FBLN2: variants seen among roughly 807,000 people sequenced by gnomAD.
The protein encoded by FBLN2 is fibulin 2.
In FBLN2, 81 loss-of-function variants were observed where a neutral mutation model predicts 123.7. The observed-to-expected ratio is 0.65, with a 90% confidence interval of 0.55 to 0.79. The LOEUF (loss-of-function observed/expected upper bound fraction) is 0.79. Ranked by LOEUF, FBLN2 falls within the 30% of genes least tolerant of loss-of-function variation. The pLI, the probability that FBLN2 is intolerant of heterozygous loss-of-function variation, is 0.00. For missense variants in FBLN2, 1,603 were observed against 1,681.3 expected, an observed-to-expected ratio of 0.95 and a Z score of 0.81; for synonymous variants, 699 against 701.4, an observed-to-expected ratio of 1.00 and a Z score of 0.05.
chr3:13,628,168 C>T (rs1466475001), intron 11 of FBLN2, among the ~76,000 whole-genome samples, 199 bp downstream of exon 11: 1 of 152,202 alleles, frequency 6.6e-6, no homozygotes, highest in Non-Finnish European at 1.5e-5. Flanking sequence ...GTAGCTGCTC[C>T]TATTACCTTG....
At position 13,571,177 on chromosome 3, in the gene FBLN2, C is replaced by G. The variant is rs370822050; in HGVS notation, c.822C>G (p.Thr274=). 1.1e-5 allele frequency: 17 copies of G among 1,564,878 alleles called. No individual in the cohort carries two copies. The highest frequency in any genetic ancestry group is 1.4e-5 in the African/African-American group (1 of 73,680). The part of the protein sequence containing the change: ...APVQAKARRV[T]EDSEEEEEEE... ...TGCAGGCCAAAGCTAGGAGAGTGAC[C>G]GAGGACAGTGAGGAGGAAGAAGAGG... The change falls in exon 2 of 18, where the codon ACC becomes ACG. Residue 274 remains threonine (T), a synonymous_variant. Coordinates refer to ENST00000404922, the MANE Select transcript of FBLN2 (RefSeq NM_001004019.2).
At chr3:13,598,892 A>G (rs1317725809) in intron 2 of FBLN2, among the ~76,000 whole-genome samples, 1 of 152,202 alleles carries the variant, frequency 6.6e-6, no homozygotes, top group Non-Finnish European at 1.5e-5. Flanking sequence ...GGACGCACAG[A>G]CAGGCAGGGA....
intron 1 of FBLN2, among the ~76,000 whole-genome samples, chr3:13,550,349 G>A (rs549397632): frequency 6.6e-6 from 1 of 152,216 alleles, no homozygotes; most frequent in African/African-American, 2.4e-5. Context: ...TCCAGTCTCC[G>A]AAATAGGGGT....
At chr3:13,619,153 G>T (rs971563316) in intron 7 of FBLN2, 136 bp downstream of exon 7, 2 of 663,380 alleles carry the variant, frequency 3.0e-6, no homozygotes, top group Non-Finnish European at 5.1e-6. Context: ...TCTGTTTTGG[G>T]GATGATGGGC....
At chr3:13,586,348 C>A (rs1485472814) in intron 2 of FBLN2, among the ~76,000 whole-genome samples, 1 of 151,636 alleles carries the variant, frequency 6.6e-6, no homozygotes, top group Admixed American at 6.6e-5. Flanking sequence ...CCACGCCAGG[C>A]TAATTTTTGT....
intron 3 of FBLN2, among the ~76,000 whole-genome samples, chr3:13,608,754 C>A (rs909606970): frequency 6.6e-6 from 1 of 152,184 alleles, no homozygotes; most frequent in Admixed American, 6.5e-5. Flanking sequence ...GTCTAACCTA[C>A]TCATTTTTCC....
chr3:13,585,629 A>G (rs910886463), intron 2 of FBLN2, among the ~76,000 whole-genome samples: 6 of 152,208 alleles, frequency 3.9e-5, no homozygotes, highest in Non-Finnish European at 5.9e-5. Context: ...CAGTAATACA[A>G]AAGCCTAGCA....
intron 16 of FBLN2, among the ~76,000 whole-genome samples, chr3:13,632,609 G>A (rs952547748): frequency 2.6e-5 from 4 of 152,196 alleles, no homozygotes; most frequent in South Asian, 2.1e-4. Flanking sequence ...GTGGAGTGGC[G>A]TGGCATGGGG....
rs186808537 is a variant in FBLN2, at chr3:13,565,329, G to T, written c.-41-4986G>T. 2.7e-3 allele frequency among the ~76,000 whole-genome samples: 418 copies of T among 152,354 alleles called. 3 individuals carry two copies. Among genetic ancestry groups the T allele is most frequent in the Non-Finnish European group, 4.3e-3 (292 of 68,038 alleles). ...CCTGCTCTTGTGTCTCCACTCCGGT[G>T]GCAAAGCCTTGCTCACAGTGCTGGA... On this transcript the variant is annotated intron_variant, in intron 1 of 17. Coordinates refer to ENST00000404922, the MANE Select transcript of FBLN2 (RefSeq NM_001004019.2).
At chr3:13,601,624 C>A (rs1380405088) in intron 2 of FBLN2, among the ~76,000 whole-genome samples, 1 of 152,232 alleles carries the variant, frequency 6.6e-6, no homozygotes, top group African/African-American at 2.4e-5. Flanking sequence ...CTCCTAGATT[C>A]ATTCAGCAAA....
chr3:13,600,049 GAGAGAGAGAGAGCGAT>G (rs1704977963), intron 2 of FBLN2, among the ~76,000 whole-genome samples: 14 of 150,990 alleles, frequency 9.3e-5, no homozygotes, highest in African/African-American at 2.7e-4. Context: ...GAGAGAGCGA[GAGAGAGAGAGAGCGAT>G]AGAGAGAGAG....
chr3:13,584,570 G>A (rs910028456), intron 2 of FBLN2, among the ~76,000 whole-genome samples: 1 of 152,192 alleles, frequency 6.6e-6, no homozygotes, highest in African/African-American at 2.4e-5. Context: ...GGTGAGAGCC[G>A]AGGCTCCAGG....
chr3:13,570,541 C>A lies in FBLN2; in HGVS notation c.186C>A (p.Gly62=). The change falls in exon 2 of 18, where the codon GGC becomes GGA. Residue 62 remains glycine (G), a synonymous_variant. Transcript: ENST00000404922. The part of the protein sequence containing the change: ...GACCATCVQQ[G]CACEGYQYYD... ...GCTGTGCCACGTGTGTGCAGCAGGG[C>A]TGCGCCTGCGAGGGCTACCAGTACT... 6.3e-7 allele frequency: 1 copy of A among 1,591,620 alleles called. No individual in the cohort carries two copies. Among genetic ancestry groups the A allele is most frequent in the Admixed American group, 1.8e-5 (1 of 57,100 alleles).
At chr3:13,551,035 A>G (rs1209145818) in intron 1 of FBLN2, among the ~76,000 whole-genome samples, 1 of 152,142 alleles carries the variant, frequency 6.6e-6, no homozygotes, top group Non-Finnish European at 1.5e-5. Flanking sequence ...CCCACCCCCA[A>G]CCCAGGGGAT....
At position 13,626,435 on chromosome 3, in the gene FBLN2, C is replaced by T. The variant is rs1193361587; in HGVS notation, c.2297-10C>T. ...CTCTGCAGCCTCTGATGGCCTCGCTCTCCCTGCAGACATCAACGAGTGTGT... is the reference window on the plus strand; with the variant it reads ...CTCTGCAGCCTCTGATGGCCTCGCTTTCCCTGCAGACATCAACGAGTGTGT... On this transcript the variant is annotated splice_polypyrimidine_tract_variant and intron_variant, in intron 9 of 17. Transcript: ENST00000404922. The T allele has an allele frequency of 5.1e-6, 8 of 1,570,670 alleles. No homozygotes were observed. The highest frequency in any genetic ancestry group is 5.2e-6 in the Non-Finnish European group (6 of 1,154,876).
chr3:13,573,173 C>T (rs1044925648), intron 2 of FBLN2, among the ~76,000 whole-genome samples: 1 of 65,500 alleles, frequency 1.5e-5, no homozygotes, highest in Non-Finnish European at 2.9e-5. Flanking sequence ...CCACCTTCTG[C>T]CCTATATGGC....
intron 1 of FBLN2, among the ~76,000 whole-genome samples, chr3:13,561,906 G>C (rs1703619716): frequency 6.6e-6 from 1 of 152,212 alleles, no homozygotes; most frequent in Non-Finnish European, 1.5e-5. Context: ...GCCTTGGACA[G>C]ATCATTTACT....
At chr3:13,625,473 G>A (rs1330693554) in intron 9 of FBLN2, among the ~76,000 whole-genome samples, 1 of 152,104 alleles carries the variant, frequency 6.6e-6, no homozygotes, top group Non-Finnish European at 1.5e-5. Flanking sequence ...CCCCTTGTGT[G>A]AACTCCAAGG....
chr3:13,616,674 T>G (rs919891334), intron 5 of FBLN2, among the ~76,000 whole-genome samples: 1 of 152,214 alleles, frequency 6.6e-6, no homozygotes, highest in African/African-American at 2.4e-5. Flanking sequence ...GGCCCTGGGC[T>G]GGCACAGAGC....
Sources: gnomAD v4.1 joint callset for allele counts (sites outside exome capture counted in the v4.1 genomes callset) on GRCh38, gnomAD v4.1.1 for gene constraint, MANE v1.5 for transcripts, NCBI Gene and HGNC (gene_info 2026-07-23, HGNC 2026-07-21) for gene names.